RC3H1: variants seen among roughly 807,000 people sequenced by gnomAD.
RC3H1 encodes roquin-1.
A neutral mutation model predicts 138.2 loss-of-function variants in RC3H1; 50 were observed. The observed-to-expected ratio is 0.36, with a 90% CI of 0.29 to 0.46. The LOEUF (loss-of-function observed/expected upper bound fraction) is 0.46. RC3H1 is among the 20% of genes least tolerant of loss of function. The pLI is 1.00. For synonymous variants in RC3H1, 462 were observed against 489.1 expected, an observed-to-expected ratio of 0.94 and a Z score of 0.73; for missense variants, 1,031 against 1,388.1, an observed-to-expected ratio of 0.74 and a Z score of 4.09.
intron 13 of RC3H1, among the ~76,000 whole-genome samples, chr1:173,952,402 T>TAAAAA (rs35197109): frequency 2.5e-4 from 12 of 47,198 alleles, no homozygotes; most frequent in South Asian, 7.4e-4. Flanking sequence ...TAGCAGAAGG[T>TAAAAA]AAAAAAAAAA....
Position 173,964,092 on chromosome 1 carries a change from G to GT in RC3H1, c.1711dup (p.Thr571AsnfsTer34). The GT allele has an allele frequency of 6.2e-7, 1 of 1,614,110 alleles. No individual in the cohort carries two copies. The highest frequency in any genetic ancestry group is 8.5e-7 in the Non-Finnish European group (1 of 1,180,006). On this transcript the variant is annotated frameshift_variant, in exon 11 of 20. Coordinates refer to ENST00000367696, the MANE Select transcript of RC3H1 (RefSeq NM_172071.4). LOFTEE classifies it high-confidence loss of function. ...TCGAGGTACCATCTGAAGTGGTTTG[G>GT]TAACAGGCATTGGAGGCAGATCTGC... is the stretch of plus-strand genomic sequence containing the variant.
intron 14 of RC3H1, among the ~76,000 whole-genome samples, chr1:173,949,711 A>G (rs1659301035): frequency 6.6e-6 from 1 of 152,242 alleles, no homozygotes; most frequent in South Asian, 2.1e-4. Context: ...ACGTGAAGAC[A>G]TACATAAGAA....
chr1:173,995,737 T>C (rs1321887156), intron 1 of RC3H1, among the ~76,000 whole-genome samples: 1 of 152,100 alleles, frequency 6.6e-6, no homozygotes, highest in Non-Finnish European at 1.5e-5. Context: ...TATGATCTCC[T>C]TCAAGGCTCA....
At chr1:174,016,378 A>AAATATTCTG (rs1398193553) in intron 1 of RC3H1, among the ~76,000 whole-genome samples, 51 of 151,194 alleles carry the variant, frequency 3.4e-4, no homozygotes, top group Non-Finnish European at 6.5e-4. Context: ...GCAGAGTTCT[A>AAATATTCTG]AATATTCTGA....
At chr1:173,960,877 A>C (rs546792587) in intron 13 of RC3H1, among the ~76,000 whole-genome samples, 200 bp downstream of exon 13, 1 of 152,314 alleles carries the variant, frequency 6.6e-6, no homozygotes, top group South Asian at 2.1e-4. Context: ...GGAACAAAAA[A>C]AAAGATCTTG....
rs1035259107 is a variant in RC3H1, at chr1:173,936,882, C to A, written c.*1839G>T. On this transcript the variant is annotated 3_prime_UTR_variant, in exon 20 of 20. Coordinates refer to ENST00000367696, the MANE Select transcript of RC3H1 (RefSeq NM_172071.4). ...ATCGGTCAATTTATCGCAACAGCTG[C>A]GCTCATGCGAAAAAATCCTTAAAAC... The A allele has an allele frequency of 1.4e-5, 2 of 143,524 alleles. No individual in the cohort carries two copies. The highest frequency in any genetic ancestry group is 1.4e-4 in the Admixed American group (2 of 14,370). 8.9% of individuals were successfully genotyped at this position (143,524 alleles called of 1,614,324 possible). A position where few individuals can be genotyped will look rare whatever the true frequency, so the allele number is the denominator to read the frequency against.
chr1:173,980,974 C>G lies in RC3H1; in HGVS notation c.804G>C (p.Gln268His). ...CATAGGTTCTAAATTCTTCTTTCAG[C>G]TGCATCAAAGAAGAGTCTTCATCAC... Reference protein sequence around the residue: ...TKRDEDSSLMQLKEEFRTYEA... With the variant: ...TKRDEDSSLMHLKEEFRTYEA... Residue 268 changes from glutamine to histidine, a missense_variant, in exon 6 of 20, where the codon CAG becomes CAC. By Grantham distance (24) the Gln-to-His change is conservative. Around this residue, in one of 7 missense-constraint regions of RC3H1, gnomAD observed 5 missense variants for 18.5 expected, o/e 0.27. Transcript: ENST00000367696. 1 of 1,613,906 alleles carries G rather than the reference C, an allele frequency of 6.2e-7. No homozygotes were observed. Among genetic ancestry groups the G allele is most frequent in the South Asian group, 1.1e-5 (1 of 91,074 alleles).
At chr1:173,975,316 G>C (rs925653644) in intron 7 of RC3H1, among the ~76,000 whole-genome samples, 1 of 151,998 alleles carries the variant, frequency 6.6e-6, no homozygotes, top group Non-Finnish European at 1.5e-5. Context: ...GGATGGTCTT[G>C]ATCTCTTGAC....
intron 2 of RC3H1, among the ~76,000 whole-genome samples, chr1:173,986,711 C>T (rs182809084): frequency 2.0e-5 from 3 of 152,218 alleles, no homozygotes; most frequent in African/African-American, 4.8e-5. Context: ...TACAGGCATG[C>T]GCCACCACGC....
In RC3H1 at chr1:173,957,590, C is replaced by A. The variant is rs189185724; in HGVS notation, c.2370+3487G>T. ...TTTTTCTGAGACAGGGTCTTTGTTA[C>A]CCAGGCTGGAGTGCAGTAGCACAAT... On this transcript the variant is annotated intron_variant, in intron 13 of 19. Coordinates refer to ENST00000367696, the MANE Select transcript of RC3H1 (RefSeq NM_172071.4). Among the ~76,000 whole-genome samples, 54 of 152,090 alleles carry A rather than the reference C, an allele frequency of 3.6e-4. No individual in the cohort carries two copies. The South Asian group carries it at 0.011, about 30-fold the overall frequency.
At chr1:173,986,595 C>T (rs1380255284) in intron 2 of RC3H1, among the ~76,000 whole-genome samples, 2 of 152,082 alleles carry the variant, frequency 1.3e-5, no homozygotes, top group African/African-American at 4.8e-5. Flanking sequence ...CAAAGTCTCA[C>T]TCTGTCGCCC....
intron 19 of RC3H1, 105 bp from the exon 20 acceptor site, chr1:173,938,976 T>G: frequency 1.2e-6 from 1 of 845,022 alleles, no homozygotes; most frequent in Non-Finnish European, 1.7e-6. Flanking sequence ...TATAAATGGC[T>G]TCCACATTTT....
At chr1:173,939,739 G>A (rs1658759071) in intron 19 of RC3H1, among the ~76,000 whole-genome samples, 1 of 151,688 alleles carries the variant, frequency 6.6e-6, no homozygotes, top group African/African-American at 2.4e-5. Context: ...GGAGGCTGAG[G>A]CAGGAGAATC....
rs776617862 is a variant in RC3H1 at position 173,980,918 on chromosome 1, A to G, written c.860T>C (p.Ile287Thr). 3.7e-6 allele frequency: 6 copies of G among 1,614,094 alleles called. No homozygotes were observed. Among genetic ancestry groups the G allele is most frequent in the Non-Finnish European group, 5.1e-6 (6 of 1,179,942 alleles). Residue 287 changes from isoleucine (I) to threonine (T), a missense_variant, in exon 6 of 20, where the codon ATA becomes ACA. Transcript: ENST00000367696. ...GCCTGCTTCCATAGCAATCTGCACT[A>G]TCTGGGAGTCATGTTCTCGCCGCAG... ...EALRREHDSQ[I>T]VQIAMEAGLR...
At chr1:173,971,782 G>A (rs1571206964) in intron 8 of RC3H1, among the ~76,000 whole-genome samples, 1 of 152,220 alleles carries the variant, frequency 6.6e-6, no homozygotes, top group East Asian at 1.9e-4. Context: ...TACTTAGCAG[G>A]ATAATTTTTA....
chr1:173,984,383 T>A (rs1660938624), intron 3 of RC3H1, 116 bp downstream of exon 3: 1 of 921,036 alleles, frequency 1.1e-6, no homozygotes, highest in Non-Finnish European at 1.6e-6. Flanking sequence ...GATAATTGCA[T>A]CAAATTTACC....
At chr1:173,967,628 C>T (rs1660178239) in intron 9 of RC3H1, among the ~76,000 whole-genome samples, 2 of 152,082 alleles carry the variant, frequency 1.3e-5, no homozygotes, top group South Asian at 2.1e-4. Context: ...GTATTTCTTC[C>T]GTAAACTATG....
At position 173,952,155 on chromosome 1, in the gene RC3H1, A is replaced by G. The variant is rs1234246814; in HGVS notation, c.2371-17T>C. 2 of 1,480,456 alleles carry G rather than the reference A, an allele frequency of 1.4e-6. No individual in the cohort carries two copies. Among genetic ancestry groups the G allele is most frequent in the Admixed American group, 4.9e-5 (2 of 41,126 alleles). 91.7% of individuals were successfully genotyped at this position (1,480,456 alleles called of 1,614,324 possible). On this transcript the variant is annotated splice_polypyrimidine_tract_variant and intron_variant, in intron 13 of 19. Coordinates refer to ENST00000367696, the MANE Select transcript of RC3H1 (RefSeq NM_172071.4). Reference sequence around the variant, plus strand: ...ATCCAAAAACTACAGATGGAGAAAGAAAAAAAACAAAAAAAAAAAAAAGAG... The same window carrying G: ...ATCCAAAAACTACAGATGGAGAAAGGAAAAAAACAAAAAAAAAAAAAAGAG...
intron 13 of RC3H1, among the ~76,000 whole-genome samples, chr1:173,952,522 G>C (rs10912707): frequency 0.03 from 4,510 of 151,470 alleles, 218 homozygotes; most frequent in African/African-American, 0.099. Flanking sequence ...TATGTACCAA[G>C]CCATAGTTTT....
Sources: allele counts gnomAD v4.1 joint callset (sites outside exome capture counted in the v4.1 genomes callset), GRCh38; gene constraint gnomAD v4.1.1; regional missense constraint gnomAD v4.1.1; transcripts MANE v1.5; gene names NCBI Gene and HGNC (gene_info 2026-07-23, HGNC 2026-07-21).